The following ROBO2 variants were observed in gnomAD, a reference collection of about 807,000 sequenced individuals.
ROBO2 encodes roundabout homolog 2.
In ROBO2, 53 loss-of-function variants were observed where a neutral mutation model predicts 160.8. The observed-to-expected ratio is 0.33, with a 90% CI of 0.26 to 0.41. The LOEUF (loss-of-function observed/expected upper bound fraction) is 0.41, where lower values mean the gene tolerates loss of function less well. Ranked by LOEUF, ROBO2 falls within the 10% of genes least tolerant of loss-of-function variation. The probability of loss-of-function intolerance (pLI) is 1.00; values close to 1 mark genes in which losing one functional copy is unlikely to be tolerated. For missense variants in ROBO2, 1,577 were observed against 1,722.4 expected (o/e 0.92, Z 1.49); for synonymous variants, 664 against 611.7 (o/e 1.09, Z -1.26).
chr3:76,851,708 G>A (rs2069384099), intron 2 of ROBO2, among the ~76,000 whole-genome samples: 1 of 125,738 alleles, frequency 8.0e-6, no homozygotes, highest in Non-Finnish European at 1.6e-5. Flanking sequence ...GCAGTCCGCA[G>A]TCCGAGGTGG....
Position 76,003,472 on chromosome 3 carries a change from A to G in ROBO2, c.109+65870A>G, listed in dbSNP as rs532544637. Reference sequence around the variant, plus strand: ...TAATCCCTATGTTCTTTTTTTGAGAATATGTTTTTCCAAAAGAATCCTCAG... The same window carrying G: ...TAATCCCTATGTTCTTTTTTTGAGAGTATGTTTTTCCAAAAGAATCCTCAG... On this transcript the variant is annotated intron_variant, in intron 2 of 26. Transcript: ENST00000487694. 7.9e-5 allele frequency among the ~76,000 whole-genome samples: 12 copies of G among 152,322 alleles called. No individual in the cohort carries two copies. The South Asian group carries it at 2.1e-3, about 26-fold the overall frequency.
chr3:76,532,870 G>A (rs767603188), intron 2 of ROBO2, among the ~76,000 whole-genome samples: 7 of 152,066 alleles, frequency 4.6e-5, no homozygotes, highest in Admixed American at 6.6e-5. Context: ...TTTTATATTT[G>A]TTCCTCAAAA....
chr3:77,522,175 C>G (rs2090664546), intron 5 of ROBO2, among the ~76,000 whole-genome samples: 1 of 151,132 alleles, frequency 6.6e-6, no homozygotes, highest in Admixed American at 6.6e-5. Context: ...GAGGTAAAAC[C>G]ATAAATGCAC....
At chr3:76,496,544 ACT>A (rs1376791458) in intron 2 of ROBO2, among the ~76,000 whole-genome samples, 1 of 151,944 alleles carries the variant, frequency 6.6e-6, no homozygotes, top group Non-Finnish European at 1.5e-5. Context: ...TGTTCCCAAG[ACT>A]CTCATATCCA....
At chr3:77,521,822 T>C (rs2090629067) in intron 5 of ROBO2, among the ~76,000 whole-genome samples, 1 of 151,292 alleles carries the variant, frequency 6.6e-6, no homozygotes, top group African/African-American at 2.4e-5. Context: ...CTAAAATGTT[T>C]GTATTTGTCC....
chr3:76,437,296 T>C (rs536006282), intron 2 of ROBO2, among the ~76,000 whole-genome samples: 60 of 152,302 alleles, frequency 3.9e-4, no homozygotes, highest in African/African-American at 1.2e-3. Flanking sequence ...GAAAAGATAT[T>C]AGGCAGTATA....
At chr3:77,492,689 C>G (rs1175176516) in intron 4 of ROBO2, among the ~76,000 whole-genome samples, 1 of 152,080 alleles carries the variant, frequency 6.6e-6, no homozygotes, top group South Asian at 2.1e-4. Flanking sequence ...AGACATCTTT[C>G]CATACATGAA....
rs192877591 is a variant in ROBO2, at chr3:76,048,775, G to A, written c.109+111173G>A. 2.4e-4 allele frequency among the ~76,000 whole-genome samples: 36 copies of A among 152,204 alleles called. No homozygotes were observed. The East Asian group carries it at 5.0e-3, about 21-fold the overall frequency. On this transcript the variant is annotated intron_variant, in intron 2 of 26. Coordinates refer to the ROBO2 transcript ENST00000487694. Reference sequence around the variant, plus strand: ...CCATGGCAGCTGTGTCTACGGTAACGGGGCACTGAAGATTGACAGGAGAGT... The same window carrying A: ...CCATGGCAGCTGTGTCTACGGTAACAGGGCACTGAAGATTGACAGGAGAGT...
intron 8 of ROBO2, among the ~76,000 whole-genome samples, 161 bp from the exon 10 acceptor site, chr3:77,557,783 T>C (rs1012620538): frequency 6.6e-6 from 1 of 151,908 alleles, no homozygotes; most frequent in Non-Finnish European, 1.5e-5. Context: ...AGATATATGA[T>C]AGATTTAGAA....
chr3:77,140,294 T>G (rs1048378053), intron 2 of ROBO2, among the ~76,000 whole-genome samples: 1 of 152,124 alleles, frequency 6.6e-6, no homozygotes, highest in Admixed American at 6.6e-5. Context: ...AATGATCTTT[T>G]AAAATAATAA....
intron 2 of ROBO2, among the ~76,000 whole-genome samples, chr3:76,834,013 C>CCTTTCTCTCTTTT (rs2067323690): frequency 1.7e-5 from 2 of 121,148 alleles, no homozygotes; most frequent in South Asian, 3.0e-4. Context: ...TTCTTTCTTT[C>CCTTTCTCTCTTTT]CTTTCTTTCT....
intron 2 of ROBO2, among the ~76,000 whole-genome samples, chr3:76,394,302 G>T (rs550425079): frequency 2.0e-5 from 3 of 152,102 alleles, no homozygotes; most frequent in Admixed American, 6.6e-5. Flanking sequence ...TCCTTCAGGA[G>T]CTCTTTTAGG....
chr3:77,548,012 C>T (rs1208936097), intron 7 of ROBO2, among the ~76,000 whole-genome samples: 1 of 151,362 alleles, frequency 6.6e-6, no homozygotes, highest in Non-Finnish European at 1.5e-5. Context: ...CATATACACA[C>T]ACATACCACA....
intron 2 of ROBO2, among the ~76,000 whole-genome samples, chr3:75,990,721 AT>A (rs922964162): frequency 6.6e-6 from 1 of 152,212 alleles, no homozygotes; most frequent in African/African-American, 2.4e-5. Context: ...ATATACATTC[AT>A]GTTTTTGTTC....
intron 2 of ROBO2, among the ~76,000 whole-genome samples, chr3:77,005,204 C>T (rs2061521392): frequency 6.6e-6 from 1 of 152,150 alleles, no homozygotes; most frequent in African/African-American, 2.4e-5. Context: ...GACTCTATGG[C>T]CGCCGCCTTG....
At chr3:76,619,733 GC>G (rs1330768766) in intron 2 of ROBO2, among the ~76,000 whole-genome samples, 2 of 152,148 alleles carry the variant, frequency 1.3e-5, no homozygotes, top group East Asian at 3.9e-4. Flanking sequence ...TAACATCACA[GC>G]CCTCCTGGGT....
At chr3:76,834,159 C>CTCTT (rs201086914) in intron 2 of ROBO2, among the ~76,000 whole-genome samples, 9,480 of 112,988 alleles carry the variant, frequency 0.084, 720 homozygotes, top group East Asian at 0.12. Context: ...TTCTTTCTCT[C>CTCTT]TCTTTCTTTC....
intron 2 of ROBO2, among the ~76,000 whole-genome samples, chr3:76,856,754 G>A (rs78909851): frequency 6.6e-6 from 1 of 152,010 alleles, no homozygotes; most frequent in Non-Finnish European, 1.5e-5. Flanking sequence ...CTATCTATTG[G>A]CTTGTATAAT....
At chr3:75,927,102 A>AT (rs1372038349) in intron 1 of ROBO2, among the ~76,000 whole-genome samples, 1 of 152,222 alleles carries the variant, frequency 6.6e-6, no homozygotes, top group Non-Finnish European at 1.5e-5. Context: ...AAGGGAGATC[A>AT]TCCTCTCTTG....
Sources: gnomAD v4.1 joint callset for allele counts (sites outside exome capture counted in the v4.1 genomes callset) on GRCh38, gnomAD v4.1.1 for gene constraint, MANE v1.5 for transcripts, NCBI Gene and HGNC (gene_info 2026-07-23, HGNC 2026-07-21) for gene names.